Variants in ERAP1 observed in about 807,000 individuals in gnomAD.
ERAP1 encodes endoplasmic reticulum aminopeptidase 1.
Under a neutral mutation model 103.7 loss-of-function variants are expected in ERAP1, and 86 were observed. The ratio of observed to expected loss-of-function variants is 0.83; its 90% CI spans 0.70 to 0.99. ERAP1 has a LOEUF of 0.99. Ranked by LOEUF, ERAP1 falls within the 50% of genes least tolerant of loss-of-function variation. The pLI is 0.00. For synonymous variants in ERAP1, 398 were observed against 402.4 expected (o/e 0.99, Z 0.13); for missense variants, 1,009 against 1,128.4 (o/e 0.89, Z 1.52).
At chr5:96,798,324 C>G (rs1159409771) in intron 3 of ERAP1, among the ~76,000 whole-genome samples, 2 of 76,372 alleles carry the variant, frequency 2.6e-5, no homozygotes, top group East Asian at 8.2e-4. Context: ...GACTCCATCT[C>G]AAAAAAAAAA....
At chr5:96,928,763 C>A in the ERAP1 span, among the ~76,000 whole-genome samples, 4 of 152,134 alleles carry the variant, frequency 2.6e-5, no homozygotes, top group Admixed American at 6.5e-5. Flanking sequence ...TTTAGAGAGG[C>A]AATTGTTATA....
the ERAP1 span, among the ~76,000 whole-genome samples, chr5:96,891,551 C>T: frequency 1.4e-5 from 2 of 143,310 alleles, no homozygotes; most frequent in African/African-American, 2.7e-5. Context: ...CACACACACA[C>T]ACACACACAC....
the ERAP1 span, among the ~76,000 whole-genome samples, chr5:96,840,565 C>T: frequency 1.3e-5 from 2 of 152,128 alleles, no homozygotes; most frequent in Non-Finnish European, 2.9e-5. Context: ...CTCTAAATCC[C>T]TTAATAATGT....
chr5:96,789,915 C>T (rs921685045), intron 10 of ERAP1, among the ~76,000 whole-genome samples: 2 of 152,184 alleles, frequency 1.3e-5, no homozygotes, highest in Admixed American at 1.3e-4. Flanking sequence ...TGACACATGA[C>T]AAGTATTCAA....
chr5:96,853,829 C>T, the ERAP1 span, among the ~76,000 whole-genome samples: 3 of 138,560 alleles, frequency 2.2e-5, no homozygotes, highest in African/African-American at 8.0e-5. Context: ...GATCAATCAA[C>T]CTTAGGCTAT....
exon 20 of ERAP1, chr5:96,762,255 A>C: frequency 6.4e-7 from 1 of 1,568,556 alleles, no homozygotes; most frequent in East Asian, 2.3e-5. Flanking sequence ...GTTACTAATA[A>C]AATTTTTTTC....
At chr5:96,864,138 C>T in the ERAP1 span, among the ~76,000 whole-genome samples, 2 of 152,062 alleles carry the variant, frequency 1.3e-5, no homozygotes, top group Non-Finnish European at 2.9e-5. Context: ...CCTGGCAATA[C>T]TTATTATGGC....
At chr5:96,885,341 T>G in the ERAP1 span, among the ~76,000 whole-genome samples, 2 of 152,152 alleles carry the variant, frequency 1.3e-5, no homozygotes, top group Non-Finnish European at 2.9e-5. Flanking sequence ...CAGAGAACAC[T>G]GGTTGAATCA....
At chr5:96,892,018 A>G in the ERAP1 span, among the ~76,000 whole-genome samples, 1 of 152,198 alleles carries the variant, frequency 6.6e-6, no homozygotes, top group Non-Finnish European at 1.5e-5. Context: ...TAAGGCACCC[A>G]AAATATTTTC....
chr5:96,785,274 A>G (rs558060797), intron 13 of ERAP1: 453 of 175,942 alleles, frequency 2.6e-3, no homozygotes, highest in Non-Finnish European at 4.3e-3. Context: ...TTTATGAGCT[A>G]TATTCCATAA....
the ERAP1 span, among the ~76,000 whole-genome samples, chr5:96,859,448 A>G: frequency 1.3e-5 from 2 of 152,042 alleles, no homozygotes; most frequent in African/African-American, 2.4e-5. Context: ...CTGGGATACT[A>G]GATTGGCGGA....
At chr5:96,912,039 A>T in the ERAP1 span, among the ~76,000 whole-genome samples, 1 of 150,904 alleles carries the variant, frequency 6.6e-6, no homozygotes, top group Admixed American at 6.6e-5. Flanking sequence ...AATACAAAAA[A>T]ATTAGCCGGG....
rs1056496307 is a variant in ERAP1 at position 96,776,129 on chromosome 5, G to T, written c.*267C>A. 11 of 1,430,974 alleles carry T rather than the reference G, an allele frequency of 7.7e-6. No individual in the cohort carries two copies. Among genetic ancestry groups the T allele is most frequent in the Middle Eastern group, 3.7e-4 (2 of 5,478 alleles). 88.6% of individuals were successfully genotyped at this position (1,430,974 alleles called of 1,614,324 possible). On this transcript the variant is annotated 3_prime_UTR_variant, in exon 19 of 19. Transcript: ENST00000443439. Reference sequence around the variant, plus strand: ...TTAAGCATAAACTATAAAATGAGAAGAATAAGGTACTTTATTCTTCTGTGG... The same window carrying T: ...TTAAGCATAAACTATAAAATGAGAATAATAAGGTACTTTATTCTTCTGTGG...
intron 18 of ERAP1, chr5:96,779,251 T>C (rs1159215667): frequency 1.3e-5 from 2 of 152,218 alleles, no homozygotes; most frequent in Non-Finnish European, 2.9e-5. Context: ...CCTAAAACCA[T>C]GTGTGGCATA....
chr5:96,878,965 C>T, the ERAP1 span, among the ~76,000 whole-genome samples: 1 of 152,074 alleles, frequency 6.6e-6, no homozygotes, highest in Non-Finnish European at 1.5e-5. Flanking sequence ...GTAGGCTGGT[C>T]ACAGTGGCTC....
At chr5:96,801,650 G>A (rs1339125607) in intron 2 of ERAP1, among the ~76,000 whole-genome samples, 1 of 151,416 alleles carries the variant, frequency 6.6e-6, no homozygotes, top group Non-Finnish European at 1.5e-5. Context: ...ACAGGAGTTC[G>A]AGACCACCCT....
chr5:96,812,201 A>C (rs964955807), upstream of ERAP1, among the ~76,000 whole-genome samples: 1 of 152,248 alleles, frequency 6.6e-6, no homozygotes, highest in Non-Finnish European at 1.5e-5. Flanking sequence ...AAAATTATCT[A>C]TGACACACAA....
the ERAP1 span, among the ~76,000 whole-genome samples, chr5:96,821,544 G>A: frequency 4.5e-4 from 68 of 152,170 alleles, no homozygotes; most frequent in Non-Finnish European, 9.3e-4. Flanking sequence ...GCAAGAGCAG[G>A]GGCAGAGTAT....
At chr5:96,764,350 A>G (rs181979767) in intron 19 of ERAP1, among the ~76,000 whole-genome samples, 1 of 152,346 alleles carries the variant, frequency 6.6e-6, no homozygotes, top group African/African-American at 2.4e-5. Flanking sequence ...AAGGGGTTAA[A>G]TAAGCTGCCT....
Sources: gnomAD v4.1 joint callset for allele counts (sites outside exome capture counted in the v4.1 genomes callset) on GRCh38, gnomAD v4.1.1 for gene constraint, MANE v1.5 for transcripts, NCBI Gene and HGNC (gene_info 2026-07-23, HGNC 2026-07-21) for gene names.